CHD9: variants seen among roughly 807,000 people sequenced by gnomAD.
CHD9 encodes chromodomain helicase DNA binding protein 9, also known as ATP-dependent chromatin remodeler CHD9.
In CHD9, 77 loss-of-function variants were observed where a neutral mutation model predicts 316.1. That is an observed-to-expected ratio of 0.24 (90% CI 0.20 to 0.29). The LOEUF (loss-of-function observed/expected upper bound fraction) is 0.29. Among genes scored for constraint, CHD9 ranks in the 10% least tolerant of loss-of-function variants. The probability of loss-of-function intolerance (pLI) is 1.00; values close to 1 mark genes in which losing one functional copy is unlikely to be tolerated. For synonymous variants in CHD9, 1,129 were observed against 1,158.3 expected (o/e 0.97, Z 0.51); for missense variants, 2,763 against 3,438.1 (o/e 0.80, Z 4.91).
At chr16:53,201,567 C>T (rs1385805491) in intron 2 of CHD9, among the ~76,000 whole-genome samples, 1 of 152,104 alleles carries the variant, frequency 6.6e-6, no homozygotes, top group African/African-American at 2.4e-5. Flanking sequence ...ACAGGCATCT[C>T]CTTTGCTTGT....
At position 53,086,493 on chromosome 16, in the gene CHD9, G is replaced by A. The variant is rs937716308; in HGVS notation, c.-165+31416G>A. ...GCCAAACCTCCCTCTGTTGCCTCCC[G>A]CCCCAGACTAACCTTGGAAGGCAGG... On this transcript the variant is annotated intron_variant, in intron 1 of 38. Transcript: ENST00000447540. 4.6e-5 allele frequency among the ~76,000 whole-genome samples: 7 copies of A among 152,208 alleles called. No individual in the cohort carries two copies. The South Asian group carries it at 8.3e-4, about 18-fold the overall frequency.
intron 2 of CHD9, among the ~76,000 whole-genome samples, chr16:53,207,764 A>G (rs1197583954): frequency 3.3e-5 from 5 of 151,662 alleles, no homozygotes; most frequent in East Asian, 1.9e-4. Flanking sequence ...ATGCCATTTT[A>G]CCACAGTTTA....
At chr16:53,275,033 GTTTA>G (rs1457268289) in intron 24 of CHD9, among the ~76,000 whole-genome samples, 1 of 151,806 alleles carries the variant, frequency 6.6e-6, no homozygotes, top group African/African-American at 2.4e-5. Context: ...TTATTTGTTT[GTTTA>G]TTTATTTATT....
At chr16:53,297,966 A>T (rs145170173) in intron 30 of CHD9, among the ~76,000 whole-genome samples, 90 of 152,374 alleles carry the variant, frequency 5.9e-4, no homozygotes, top group African/African-American at 2.1e-3. Flanking sequence ...AATGACAGCT[A>T]AAGCAAAATA....
chr16:53,249,960 T>C lies in CHD9; in HGVS notation c.3755T>C (p.Phe1252Ser). 6.2e-7 allele frequency: 1 copy of C among 1,613,800 alleles called. No homozygotes were observed. Among genetic ancestry groups the C allele is most frequent in the Non-Finnish European group, 8.5e-7 (1 of 1,179,770 alleles). ...DRFSKPDSDR[F>S]VFLLCTRAGG... ...TTTAGTAAACCTGATTCAGATAGAT[T>C]TGTTTTTCTCCTGTGTACCCGAGCT... The change falls in exon 17 of 39, where the codon TTT becomes TCT. Residue 1252 changes from phenylalanine to serine, a missense_variant. This residue lies in a region of CHD9 where 39 missense variants were observed against 40.4 expected (regional missense o/e 0.97). Coordinates refer to ENST00000447540, the MANE Select transcript of CHD9 (RefSeq NM_001308319.2).
chr16:53,221,907 GA>G (rs1376502047), intron 3 of CHD9, among the ~76,000 whole-genome samples: 1 of 151,708 alleles, frequency 6.6e-6, no homozygotes, highest in African/African-American at 2.4e-5. Flanking sequence ...TTTAATAAGA[GA>G]AAAAAATCTG....
At chr16:53,107,494 A>AAAATAAAAT (rs1567333270) in intron 1 of CHD9, among the ~76,000 whole-genome samples, 2 of 100,366 alleles carry the variant, frequency 2.0e-5, no homozygotes, top group African/African-American at 9.0e-5. Flanking sequence ...TAAAATAAAT[A>AAAATAAAAT]AAATAAAATA....
At position 53,210,080 on chromosome 16, in the gene CHD9, C is replaced by T. The variant is rs193049152; in HGVS notation, c.1784+267C>T. 3.8e-4 allele frequency among the ~76,000 whole-genome samples: 57 copies of T among 151,944 alleles called. 1 individual carries two copies. The highest frequency in any genetic ancestry group is 1.3e-3 in the African/African-American group (54 of 41,466). On this transcript the variant is annotated intron_variant, in intron 3 of 38. Coordinates refer to ENST00000447540, the MANE Select transcript of CHD9 (RefSeq NM_001308319.2). ...TAAAGTAGTAAAATATTTCAGTATA[C>T]GAATCAGGAAAAGGATAAAAACAAA...
chr16:53,160,415 A>G (rs991784137), intron 2 of CHD9, among the ~76,000 whole-genome samples: 6 of 152,186 alleles, frequency 3.9e-5, no homozygotes, highest in Non-Finnish European at 5.9e-5. Context: ...TAGCATGTAG[A>G]TAGAGAGCAC....
chr16:53,139,063 T>A (rs946302048), intron 1 of CHD9, among the ~76,000 whole-genome samples: 3 of 152,106 alleles, frequency 2.0e-5, no homozygotes, highest in African/African-American at 7.2e-5. Context: ...AAAGGATCTA[T>A]CTTTGGAAAA....
rs1224485632 is a variant in CHD9 at position 53,146,415 on chromosome 16, G to GTGTGTATA, written c.-164-9510_-164-9509insGTGTATAT. Among the ~76,000 whole-genome samples, 209 of 64,446 alleles carry GTGTGTATA rather than the reference G, an allele frequency of 3.2e-3. 10 individuals are homozygous for GTGTGTATA. The highest frequency in any genetic ancestry group is 5.7e-3 in the Admixed American group (27 of 4,720). The allele number at this position is 64,446 out of a possible 152,430, so 42.3% of individuals were successfully genotyped here. On this transcript the variant is annotated intron_variant, in intron 1 of 38. Transcript: ENST00000447540. ...CAAAAAAAAAAAATTGTGTGTGTGTGTATGTATATATATATATATATAATT... is the reference window on the plus strand; with the variant it reads ...CAAAAAAAAAAAATTGTGTGTGTGTGTGTGTATATATGTATATATATATATATATAATT...
At position 53,306,361 on chromosome 16, in the gene CHD9, A is replaced by C. The variant is rs1367363662; in HGVS notation, c.6744A>C (p.Gln2248His). The change falls in exon 32 of 39, where the codon CAA becomes CAC. Residue 2248 changes from glutamine (Q) to histidine (H), a missense_variant. Transcript: ENST00000447540. ...CACCAGAGTCTGCTTATATCTTACA[A>C]GGTGGATATATGCTGGCAGCCTCGT... ...NGTPESAYILQGGYMLAASYW... is the reference protein window; with the variant it reads ...NGTPESAYILHGGYMLAASYW... 2 of 1,605,196 alleles carry C rather than the reference A, an allele frequency of 1.2e-6. No homozygotes were observed. Among genetic ancestry groups the C allele is most frequent in the Admixed American group, 3.4e-5 (2 of 57,980 alleles).
At chr16:53,271,367 A>G (rs1256084399) in intron 22 of CHD9, among the ~76,000 whole-genome samples, 2 of 152,012 alleles carry the variant, frequency 1.3e-5, no homozygotes, top group Non-Finnish European at 2.9e-5. Flanking sequence ...TCAAGAGTTC[A>G]AGACCAGCCT....
At chr16:53,228,558 T>TTTTTTTC (rs2047870783) in intron 7 of CHD9, among the ~76,000 whole-genome samples, 1 of 149,428 alleles carries the variant, frequency 6.7e-6, no homozygotes, top group Non-Finnish European at 1.5e-5. Flanking sequence ...TTTTTTTTTT[T>TTTTTTTC]GAGACGGAGT....
chr16:53,084,105 C>A (rs151139892), intron 1 of CHD9, among the ~76,000 whole-genome samples: 2 of 152,130 alleles, frequency 1.3e-5, no homozygotes, highest in African/African-American at 4.8e-5. Flanking sequence ...GTTGCCCAGG[C>A]TGGTCTTGAC....
At chr16:53,310,025 A>C (rs2153092024) in intron 34 of CHD9, among the ~76,000 whole-genome samples, 1 of 152,336 alleles carries the variant, frequency 6.6e-6, no homozygotes, top group Middle Eastern at 3.4e-3. Flanking sequence ...GTTGCCAAGC[A>C]ATACATGCTG....
At chr16:53,292,796 TGTTTA>T (rs2054456631) in intron 28 of CHD9, 32 bp from the exon 29 acceptor site, 1 of 1,516,902 alleles carries the variant, frequency 6.6e-7, no homozygotes, top group Admixed American at 1.7e-5. Context: ...ATACAGTATC[TGTTTA>T]GTTATTATTA....
chr16:53,301,489 A>G (rs183262544), intron 30 of CHD9, among the ~76,000 whole-genome samples: 6 of 152,354 alleles, frequency 3.9e-5, no homozygotes, highest in African/African-American at 1.4e-4. Context: ...ATTTAAAAAC[A>G]TAACATATTG....
chr16:53,180,112 CACCTCA>C (rs924295246), intron 2 of CHD9, among the ~76,000 whole-genome samples: 8 of 149,710 alleles, frequency 5.3e-5, no homozygotes, highest in Non-Finnish European at 8.9e-5. Context: ...CTGCAACCTC[CACCTCA>C]GCCTCAGCCT....
Sources: gnomAD v4.1 joint callset for allele counts (sites outside exome capture counted in the v4.1 genomes callset) on GRCh38, gnomAD v4.1.1 for gene constraint, gnomAD v4.1.1 regional missense constraint, MANE v1.5 for transcripts, NCBI Gene and HGNC (gene_info 2026-07-23, HGNC 2026-07-21) for gene names.